The following DEPTOR variants were observed in gnomAD, a reference collection of about 807,000 sequenced individuals.
DEPTOR encodes the protein DEP domain containing MTOR interacting protein, also known as DEP domain-containing mTOR-interacting protein.
In DEPTOR, 41 loss-of-function variants were observed where a neutral mutation model predicts 41.6. The ratio of observed to expected loss-of-function variants is 0.98; its 90% CI spans 0.77 to 1.28. The LOEUF (loss-of-function observed/expected upper bound fraction) is 1.28, where lower values mean the gene tolerates loss of function less well. Among genes scored for constraint, DEPTOR ranks in the 50% most tolerant of loss-of-function variants. The pLI is 0.00. For missense variants in DEPTOR, 514 were observed against 527.9 expected (o/e 0.97, Z 0.26); for synonymous variants, 195 against 192.3 (o/e 1.01, Z -0.12).
chr8:119,982,013 C>CT (rs1195424836), intron 4 of DEPTOR, among the ~76,000 whole-genome samples: 1 of 23,742 alleles, frequency 4.2e-5, no homozygotes, highest in African/African-American at 1.5e-4. Context: ...GATTCCATCT[C>CT]TAAAAAAAAA....
chr8:120,007,394 C>T (rs78730602), intron 7 of DEPTOR, among the ~76,000 whole-genome samples: 1,813 of 152,090 alleles, frequency 0.012, 39 homozygotes, highest in African/African-American at 0.04. Flanking sequence ...CAGGGTGCTT[C>T]GACAATGTGT....
intron 4 of DEPTOR, chr8:119,969,869 G>A (rs149023309): frequency 6.6e-6 from 1 of 152,304 alleles, no homozygotes; most frequent in Non-Finnish European, 1.5e-5. Flanking sequence ...CTTGAGCAAA[G>A]CTTTTAATTG....
chr8:120,017,156 T>C (rs1459358541), intron 8 of DEPTOR, among the ~76,000 whole-genome samples: 3 of 152,176 alleles, frequency 2.0e-5, no homozygotes, highest in Non-Finnish European at 4.4e-5. Flanking sequence ...GAACTGATAC[T>C]TCCAAAGAAA....
chr8:120,018,026 C>T, intron 8 of DEPTOR, among the ~76,000 whole-genome samples: 1 of 151,316 alleles, frequency 6.6e-6, no homozygotes, highest in Admixed American at 6.6e-5. Context: ...TTTCCTCTTT[C>T]AAAATTTCTT....
chr8:119,923,893 C>CTTTTTTTTTTTTTTTTTTTTTT (rs769960283), intron 1 of DEPTOR, among the ~76,000 whole-genome samples: 2 of 104,980 alleles, frequency 1.9e-5, no homozygotes, highest in African/African-American at 3.0e-5. Flanking sequence ...TTTTTTCTTT[C>CTTTTTTTTTTTTTTTTTTTTTT]TTTTTTTTTT....
chr8:120,013,143 C>T lies in DEPTOR; in HGVS notation c.1101+4010C>T, dbSNP rs371123299. 6.6e-5 allele frequency among the ~76,000 whole-genome samples: 9 copies of T among 136,234 alleles called. No homozygotes were observed. In the South Asian group the frequency reaches 1.2e-3, roughly 19 times the overall value. The allele number at this position is 136,234 out of a possible 152,430, so 89.4% of individuals were successfully genotyped here. A position where few individuals can be genotyped will look rare whatever the true frequency, so the allele number is the denominator to read the frequency against. On this transcript the variant is annotated intron_variant, in intron 8 of 8. Coordinates refer to ENST00000286234, the MANE Select transcript of DEPTOR (RefSeq NM_022783.4). ...TTGCACTCCAGCCTGGGTGACAGAG[C>T]GAGACTGTCTCAAAAAGAAAAAAAA... is the stretch of plus-strand genomic sequence containing the variant.
At chr8:119,979,735 C>T (rs1828739078) in intron 4 of DEPTOR, among the ~76,000 whole-genome samples, 1 of 152,090 alleles carries the variant, frequency 6.6e-6, no homozygotes, top group African/African-American at 2.4e-5. Context: ...AGGTTTTGGT[C>T]ATATTGGCAG....
chr8:120,019,302 C>G (rs886194940), intron 8 of DEPTOR, among the ~76,000 whole-genome samples: 1 of 152,026 alleles, frequency 6.6e-6, no homozygotes, highest in Non-Finnish European at 1.5e-5. Context: ...GAGACTCTCT[C>G]AAAAATAAAA....
intron 3 of DEPTOR, among the ~76,000 whole-genome samples, chr8:119,962,086 C>CAAAA (rs772605916): frequency 6.2e-5 from 3 of 48,198 alleles, no homozygotes; most frequent in Non-Finnish European, 9.2e-5. Flanking sequence ...ACTAAAAATA[C>CAAAA]AAAAAAAAAA....
chr8:120,001,557 C>T lies in DEPTOR; in HGVS notation c.637C>T (p.Leu213Phe). 6.2e-7 allele frequency: 1 copy of T among 1,612,744 alleles called. No individual in the cohort carries two copies. The highest frequency in any genetic ancestry group is 1.3e-5 in the African/African-American group (1 of 74,758). ...CAAGCACCCATTTGTGGACAGCAAT[C>T]TTCTCTACCAGTTCAGAATGAACTT... is the stretch of plus-strand genomic sequence containing the variant. ...SNKHPFVDSN[L>F]LYQFRMNFRR... Residue 213 changes from leucine to phenylalanine, a missense_variant, in exon 5 of 9, where the codon CTT becomes TTT. Physicochemically the swap from Leu to Phe is conservative, Grantham distance 22. Transcript: ENST00000286234.
chr8:119,873,823 T>G lies in DEPTOR; in HGVS notation c.-24T>G. ...AACCCTCGGCGGACAGCGGAGCCAG[T>G]GGTAGCCGCACGGCCCTAAAACCAT... On this transcript the variant is annotated 5_prime_UTR_variant, in exon 1 of 9. Transcript: ENST00000286234. The G allele has an allele frequency of 6.2e-7, 1 of 1,608,612 alleles. No homozygotes were observed.
At chr8:119,928,979 T>C (rs1307597271) in intron 2 of DEPTOR, among the ~76,000 whole-genome samples, 2 of 152,330 alleles carry the variant, frequency 1.3e-5, no homozygotes, top group East Asian at 3.9e-4. Context: ...AAGTTTTCTA[T>C]CATTATAGAA....
intron 4 of DEPTOR, among the ~76,000 whole-genome samples, chr8:119,975,173 A>T (rs1391599501): frequency 6.6e-6 from 1 of 152,112 alleles, no homozygotes; most frequent in African/African-American, 2.4e-5. Context: ...GGACAAAAGG[A>T]CATTTCCTTT....
chr8:119,965,396 G>A lies in DEPTOR; in HGVS notation c.590G>A (p.Gly197Asp). ...CTTTGCCACCGGCTTATGGAGCATGGCATCATCCAGCATGGTGAGCGTATT... is the reference window on the plus strand; with the variant it reads ...CTTTGCCACCGGCTTATGGAGCATGACATCATCCAGCATGGTGAGCGTATT... The part of the protein sequence containing the change: ...EQLCHRLMEH[G>D]IIQHVSNKHP... The change falls in exon 4 of 9, where the codon GGC becomes GAC. Residue 197 changes from glycine to aspartate, a missense_variant. By Grantham distance (94) the Gly-to-Asp change is moderately conservative. Transcript: ENST00000286234. The A allele has an allele frequency of 6.2e-7, 1 of 1,613,560 alleles. No homozygotes were observed. The highest frequency in any genetic ancestry group is 8.5e-7 in the Non-Finnish European group (1 of 1,179,920).
chr8:119,879,478 A>C (rs1249265082), intron 1 of DEPTOR, among the ~76,000 whole-genome samples: 1 of 151,794 alleles, frequency 6.6e-6, no homozygotes, highest in African/African-American at 2.4e-5. Context: ...TTGGGAGGCT[A>C]AGGTGGGTGG....
intron 1 of DEPTOR, among the ~76,000 whole-genome samples, chr8:119,897,135 A>G (rs1049607818): frequency 1.3e-5 from 2 of 152,204 alleles, no homozygotes; most frequent in Non-Finnish European, 2.9e-5. Context: ...AGGTTCTCGA[A>G]GAGTTTCTAT....
At chr8:119,934,155 A>G (rs2129869486) in intron 3 of DEPTOR, among the ~76,000 whole-genome samples, 1 of 152,314 alleles carries the variant, frequency 6.6e-6, no homozygotes, top group East Asian at 1.9e-4. Context: ...TGTTGGGATT[A>G]TAGGCGTGAG....
intron 8 of DEPTOR, among the ~76,000 whole-genome samples, chr8:120,046,072 C>T (rs1394411604): frequency 6.6e-6 from 1 of 152,124 alleles, no homozygotes; most frequent in African/African-American, 2.4e-5. Flanking sequence ...CCAGCCTCTC[C>T]CTTCTAGACA....
chr8:119,926,464 G>A (rs1468407293), intron 1 of DEPTOR, among the ~76,000 whole-genome samples: 1 of 152,192 alleles, frequency 6.6e-6, no homozygotes, highest in Non-Finnish European at 1.5e-5. Flanking sequence ...AGAAAATGCA[G>A]AGTGCCCTCT....
Sources: allele counts gnomAD v4.1 joint callset (sites outside exome capture counted in the v4.1 genomes callset), GRCh38; gene constraint gnomAD v4.1.1; transcripts MANE v1.5; gene names NCBI Gene and HGNC (gene_info 2026-07-23, HGNC 2026-07-21).